SPATA6L: variants seen among roughly 807,000 people sequenced by gnomAD.
SPATA6L encodes spermatogenesis associated 6-like protein.
A neutral mutation model predicts 49.2 loss-of-function variants in SPATA6L; 68 were observed. The observed-to-expected ratio is 1.38, with a 90% CI of 1.14 to 1.69. The LOEUF (loss-of-function observed/expected upper bound fraction) is 1.69. Among genes scored for constraint, SPATA6L ranks in the 40% most tolerant of loss-of-function variants. SPATA6L has a pLI of 0.00. For synonymous variants in SPATA6L, 198 were observed against 165.7 expected (o/e 1.19, Z -1.50); for missense variants, 668 against 464.3 (o/e 1.44, Z -4.03).
chr9:4,608,503 A>G (rs1223246276), intron 9 of SPATA6L, among the ~76,000 whole-genome samples: 1,373 of 110,668 alleles, frequency 0.012, 11 homozygotes, highest in African/African-American at 0.04. Context: ...ACTCAAAACC[A>G]CTCAACTACA....
At chr9:4,661,213 G>C (rs1363227659) in intron 2 of SPATA6L, among the ~76,000 whole-genome samples, 1 of 152,124 alleles carries the variant, frequency 6.6e-6, no homozygotes, top group Non-Finnish European at 1.5e-5. Flanking sequence ...GACATTGTTT[G>C]GGGCAAAATC....
In SPATA6L at chr9:4,666,217, G is replaced by A. The variant is rs541424213; in HGVS notation, c.34C>T (p.Arg12Trp). 1 of 1,614,108 alleles carries A rather than the reference G, an allele frequency of 6.2e-7. No individual in the cohort carries two copies. The highest frequency in any genetic ancestry group is 1.1e-5 in the South Asian group (1 of 91,058). ...PLEVVVELQI[R>W]AISCPGVFLP... is the part of the protein sequence containing the mutation. Reference sequence around the variant, plus strand: ...GGAGTTCATCGATCTCTTACCGCCCGGATCTGCAGCTCCACCACCACCTCC... The same window carrying A: ...GGAGTTCATCGATCTCTTACCGCCCAGATCTGCAGCTCCACCACCACCTCC... Residue 12 changes from arginine to tryptophan, a missense_variant, in exon 1 of 12, where the codon CGG becomes TGG. Physicochemically the swap from Arg to Trp is moderately radical, Grantham distance 101. Coordinates refer to ENST00000682582, the MANE Select transcript of SPATA6L (RefSeq NM_001353486.2).
At chr9:4,591,373 C>G (rs917692517) in intron 13 of SPATA6L, among the ~76,000 whole-genome samples, 3 of 152,078 alleles carry the variant, frequency 2.0e-5, no homozygotes, top group African/African-American at 7.2e-5. Context: ...GAGCCAAGGG[C>G]TTAAAAAAAA....
chr9:4,616,833 C>T (rs1156326086), intron 9 of SPATA6L, among the ~76,000 whole-genome samples: 2 of 152,170 alleles, frequency 1.3e-5, no homozygotes, highest in Admixed American at 6.5e-5. Context: ...GATCCACCCA[C>T]CTTGGCCTCC....
Position 4,666,422 on chromosome 9 carries a change from A to G in SPATA6L, c.-172T>C. On this transcript the variant is annotated 5_prime_UTR_variant, in exon 1 of 12. Transcript: ENST00000682582. The stretch of plus-strand genomic sequence containing the variant: ...CCCAGCCCAGGTCCCTCCCACCGGG[A>G]CGGGTCTCTCACACTCGAAGCTGGA... 7.3e-6 allele frequency: 5 copies of G among 680,414 alleles called. No homozygotes were observed. The highest frequency in any genetic ancestry group is 1.3e-5 in the Non-Finnish European group (5 of 382,886). The allele number at this position is 680,414 out of a possible 1,614,324, so 42.1% of individuals were successfully genotyped here. A position where few individuals can be genotyped will look rare whatever the true frequency, so the allele number is the denominator to read the frequency against.
chr9:4,655,347 C>A (rs898438802), intron 3 of SPATA6L, among the ~76,000 whole-genome samples: 8 of 152,164 alleles, frequency 5.3e-5, no homozygotes, highest in African/African-American at 1.9e-4. Context: ...CAAATCTATA[C>A]AGACGGAAAG....
chr9:4,647,194 T>C (rs947254334), intron 3 of SPATA6L, among the ~76,000 whole-genome samples: 3 of 152,136 alleles, frequency 2.0e-5, no homozygotes, highest in African/African-American at 7.2e-5. Context: ...AACAATGCAA[T>C]TTTCATCTTA....
downstream of SPATA6L, among the ~76,000 whole-genome samples, chr9:4,594,179 C>G (rs142252723): frequency 2.1e-4 from 32 of 152,256 alleles, no homozygotes; most frequent in African/African-American, 6.7e-4. Context: ...TTTCTGTAGT[C>G]TCTCTTTCCC....
chr9:4,662,367 C>T lies in SPATA6L; in HGVS notation c.40-331G>A, dbSNP rs765775167. 2.0e-6 allele frequency: 3 copies of T among 1,500,440 alleles called. No homozygotes were observed. The highest frequency in any genetic ancestry group is 2.2e-5 in the Admixed American group (1 of 45,082). The allele number at this position is 1,500,440 out of a possible 1,614,324, so 92.9% of individuals were successfully genotyped here. On this transcript the variant is annotated intron_variant, in intron 1 of 11. Coordinates refer to ENST00000682582, the MANE Select transcript of SPATA6L (RefSeq NM_001353486.2). The surrounding 1 kb of genome is among the most constrained non-coding windows in gnomAD (Gnocchi z 4.9). ...CGGCCAGGTCCCGGGATCCGGGCCGCCAGCTGCGATGCCAAGTCCCCGGAG... is the reference window on the plus strand; with the variant it reads ...CGGCCAGGTCCCGGGATCCGGGCCGTCAGCTGCGATGCCAAGTCCCCGGAG...
chr9:4,656,598 G>C (rs536544592), intron 2 of SPATA6L, among the ~76,000 whole-genome samples: 1 of 152,254 alleles, frequency 6.6e-6, no homozygotes, highest in South Asian at 2.1e-4. Flanking sequence ...CCTTTAATAG[G>C]TGTCTGATTA....
At chr9:4,631,636 G>A (rs961388128) in intron 4 of SPATA6L, among the ~76,000 whole-genome samples, 3 of 152,110 alleles carry the variant, frequency 2.0e-5, no homozygotes, top group Non-Finnish European at 4.4e-5. Flanking sequence ...TGCTAGTGGA[G>A]GAAATAAATC....
intron 9 of SPATA6L, among the ~76,000 whole-genome samples, chr9:4,615,337 T>C (rs1219444641): frequency 2.6e-5 from 4 of 152,234 alleles, no homozygotes; most frequent in African/African-American, 9.6e-5. Context: ...TCTTAAATGT[T>C]AGTGTTCCCA....
At chr9:4,611,904 C>T (rs745511619) in intron 9 of SPATA6L, among the ~76,000 whole-genome samples, 3 of 152,130 alleles carry the variant, frequency 2.0e-5, no homozygotes, top group Non-Finnish European at 2.9e-5. Context: ...CGTACAACTG[C>T]ATGATCATAG....
At chr9:4,605,289 G>C in intron 10 of SPATA6L, 58 bp downstream of exon 10, 9 of 1,323,578 alleles carry the variant, frequency 6.8e-6, no homozygotes, top group Non-Finnish European at 9.8e-6. Context: ...CTAGACTGTA[G>C]GTCCCTGTTC....
chr9:4,597,786 A>G (rs1360219103), downstream of SPATA6L, among the ~76,000 whole-genome samples: 1 of 152,150 alleles, frequency 6.6e-6, no homozygotes, highest in East Asian at 1.9e-4. Flanking sequence ...GGGGTCCCCT[A>G]ACCAGAGAAA....
At chr9:4,663,131 G>C in intron 1 of SPATA6L, 2 of 1,614,148 alleles carry the variant, frequency 1.2e-6, no homozygotes, top group Non-Finnish European at 8.5e-7. Context: ...CCAGGGTCAT[G>C]CTGGGGCGGC....
chr9:4,612,982 C>A (rs1827131706), intron 9 of SPATA6L, among the ~76,000 whole-genome samples: 1 of 152,144 alleles, frequency 6.6e-6, no homozygotes, highest in Admixed American at 6.6e-5. Context: ...AATCCCAGCA[C>A]TTTGGAAGGC....
chr9:4,611,923 A>C (rs1381162678), intron 9 of SPATA6L, among the ~76,000 whole-genome samples: 1 of 152,052 alleles, frequency 6.6e-6, no homozygotes, highest in African/African-American at 2.4e-5. Flanking sequence ...AGCTCACTGC[A>C]ACCTTGAACT....
chr9:4,644,029 A>C (rs914986310), intron 3 of SPATA6L, among the ~76,000 whole-genome samples: 1 of 151,840 alleles, frequency 6.6e-6, no homozygotes, highest in African/African-American at 2.4e-5. Flanking sequence ...TTGAAAAAAA[A>C]AGATGTAGAT....
Sources: gnomAD v4.1 joint callset for allele counts (sites outside exome capture counted in the v4.1 genomes callset) on GRCh38, gnomAD v4.1.1 for gene constraint, Gnocchi (gnomAD v3.1) non-coding constraint, MANE v1.5 for transcripts, NCBI Gene and HGNC (gene_info 2026-07-23, HGNC 2026-07-21) for gene names.